The following ALCAM variants were observed in gnomAD, a reference collection of about 807,000 sequenced individuals.
The protein encoded by ALCAM is activated leukocyte cell adhesion molecule, also known as CD166 antigen.
Under a neutral mutation model 70.9 loss-of-function variants are expected in ALCAM, and 30 were observed. The ratio of observed to expected loss-of-function variants is 0.42; its 90% CI spans 0.32 to 0.57. The LOEUF is 0.57. Ranked by LOEUF, ALCAM falls within the 20% of genes least tolerant of loss-of-function variation. The probability of loss-of-function intolerance (pLI) is 0.11; values close to 1 mark genes in which losing one functional copy is unlikely to be tolerated. For synonymous variants in ALCAM, 249 were observed against 242.5 expected (o/e 1.03, Z -0.25); for missense variants, 591 against 695.1 (o/e 0.85, Z 1.68).
chr3:105,463,327 T>C (rs763331363), intron 1 of ALCAM, among the ~76,000 whole-genome samples: 1 of 151,482 alleles, frequency 6.6e-6, no homozygotes, highest in Non-Finnish European at 1.5e-5. Context: ...GCATACATTT[T>C]ACAGCCTGCT....
intron 1 of ALCAM, among the ~76,000 whole-genome samples, chr3:105,434,934 A>G (rs6437589): frequency 0.24 from 37,015 of 152,070 alleles, 5,087 homozygotes; most frequent in Non-Finnish European, 0.33. Flanking sequence ...AAATCCTTAT[A>G]TATGTGATTT....
At chr3:105,368,265 A>AGAGAGAGAG (rs1553716633) in intron 1 of ALCAM, among the ~76,000 whole-genome samples, 113 of 25,922 alleles carry the variant, frequency 4.4e-3, no homozygotes, top group Admixed American at 0.011. Flanking sequence ...GAGAGAGAGA[A>AGAGAGAGAG]AAGGCAAAAT....
At chr3:105,427,788 A>G (rs1207480501) in intron 1 of ALCAM, among the ~76,000 whole-genome samples, 1 of 151,854 alleles carries the variant, frequency 6.6e-6, no homozygotes, top group Non-Finnish European at 1.5e-5. Context: ...TGTGCTTTTT[A>G]ATATTCTTCT....
At chr3:105,553,536 G>A (rs1333860127) in intron 14 of ALCAM, among the ~76,000 whole-genome samples, 1 of 151,706 alleles carries the variant, frequency 6.6e-6, no homozygotes, top group Admixed American at 6.6e-5. Context: ...ATGTAAGAAA[G>A]TTGACTTAAA....
intron 1 of ALCAM, among the ~76,000 whole-genome samples, chr3:105,373,102 T>G (rs1025548257): frequency 4.6e-5 from 7 of 152,096 alleles, no homozygotes; most frequent in Admixed American, 6.5e-5. Flanking sequence ...CATGAATAAA[T>G]GAATAATAAA....
intron 1 of ALCAM, among the ~76,000 whole-genome samples, chr3:105,471,529 A>T (rs1478541030): frequency 6.6e-6 from 1 of 151,336 alleles, no homozygotes; most frequent in Non-Finnish European, 1.5e-5. Flanking sequence ...GACGTCTGTT[A>T]TGGTGAGATA....
At chr3:105,433,031 A>G (rs1324653992) in intron 1 of ALCAM, among the ~76,000 whole-genome samples, 1 of 152,184 alleles carries the variant, frequency 6.6e-6, no homozygotes, top group Non-Finnish European at 1.5e-5. Flanking sequence ...GTGGCCATAT[A>G]GGAAAGCAAT....
rs565472214 is a variant in ALCAM at position 105,402,937 on chromosome 3, G to A, written c.73+35456G>A. The stretch of plus-strand genomic sequence containing the variant: ...TTCTCTATAGGATTGCAGCTGATGC[G>A]CTTTTTTTTTTTTTTTTTTTTTTTC... On this transcript the variant is annotated intron_variant, in intron 1 of 15. Coordinates refer to ENST00000306107, the MANE Select transcript of ALCAM (RefSeq NM_001627.4). Among the ~76,000 whole-genome samples the A allele has an allele frequency of 1.7e-3, 83 of 48,358 alleles. 1 individual carries two copies. The Admixed American group carries it at 0.024, about 14-fold the overall frequency. 31.7% of individuals were successfully genotyped at this position (48,358 alleles called of 152,430 possible). A position where few individuals can be genotyped will look rare whatever the true frequency, so the allele number is the denominator to read the frequency against.
At chr3:105,486,695 A>G (rs73854308) in intron 1 of ALCAM, among the ~76,000 whole-genome samples, 2,005 of 152,248 alleles carry the variant, frequency 0.013, 35 homozygotes, top group African/African-American at 0.044. Context: ...ACAGACAGTT[A>G]AATTAATTCA....
intron 1 of ALCAM, among the ~76,000 whole-genome samples, chr3:105,436,382 G>A (rs190222984): frequency 4.0e-4 from 60 of 151,806 alleles, no homozygotes; most frequent in Admixed American, 1.5e-3. Flanking sequence ...TCACTGTGTC[G>A]CCCAGGCTGG....
intron 1 of ALCAM, among the ~76,000 whole-genome samples, chr3:105,432,987 A>C (rs564077607): frequency 6.6e-6 from 1 of 152,312 alleles, no homozygotes; most frequent in Admixed American, 6.5e-5. Context: ...CAGGTATATT[A>C]AGCTGGAGAA....
intron 14 of ALCAM, among the ~76,000 whole-genome samples, chr3:105,563,283 C>G (rs1303102885): frequency 6.8e-6 from 1 of 147,514 alleles, no homozygotes; most frequent in Non-Finnish European, 1.5e-5. Flanking sequence ...TTTTTGTTAT[C>G]TGATATTGCT....
intron 1 of ALCAM, among the ~76,000 whole-genome samples, chr3:105,404,750 T>C (rs1456939271): frequency 2.0e-5 from 3 of 151,060 alleles, no homozygotes; most frequent in Non-Finnish European, 4.4e-5. Context: ...AATACTAACA[T>C]TGAATGTAAA....
intron 1 of ALCAM, among the ~76,000 whole-genome samples, chr3:105,418,882 T>G (rs1259837581): frequency 6.6e-6 from 1 of 151,782 alleles, no homozygotes; most frequent in Non-Finnish European, 1.5e-5. Flanking sequence ...CCCCAAAACA[T>G]TTCACCGAAT....
intron 1 of ALCAM, among the ~76,000 whole-genome samples, chr3:105,417,218 A>G (rs1351297997): frequency 2.0e-5 from 3 of 151,728 alleles, no homozygotes; most frequent in East Asian, 3.9e-4. Flanking sequence ...CTTCAAGTCT[A>G]GTGACTTTTT....
intron 1 of ALCAM, among the ~76,000 whole-genome samples, chr3:105,407,905 A>G (rs987999044): frequency 6.6e-6 from 1 of 152,186 alleles, no homozygotes; most frequent in Admixed American, 6.6e-5. Context: ...GCTCTGCTAT[A>G]TACTAACAGT....
At chr3:105,534,468 A>G (rs1939919617) in intron 5 of ALCAM, among the ~76,000 whole-genome samples, 195 bp from the exon 6 acceptor site, 1 of 152,110 alleles carries the variant, frequency 6.6e-6, no homozygotes, top group Non-Finnish European at 1.5e-5. Context: ...GGGAAAAGGG[A>G]TTCCAGGATT....
At chr3:105,553,073 AG>A in intron 14 of ALCAM, 1 of 988,260 alleles carries the variant, frequency 1.0e-6, no homozygotes, top group Non-Finnish European at 1.2e-6. Context: ...TCCATATAAG[AG>A]TCTATATCAG....
intron 1 of ALCAM, among the ~76,000 whole-genome samples, chr3:105,442,500 G>A (rs1271958249): frequency 2.6e-5 from 4 of 152,024 alleles, no homozygotes; most frequent in Admixed American, 1.3e-4. Flanking sequence ...GAGTAAATTC[G>A]GCCAGGCGCG....
Sources: allele counts gnomAD v4.1 joint callset (sites outside exome capture counted in the v4.1 genomes callset), GRCh38; gene constraint gnomAD v4.1.1; transcripts MANE v1.5; gene names NCBI Gene and HGNC (gene_info 2026-07-23, HGNC 2026-07-21).